Variants in VWDE observed in about 807,000 individuals in gnomAD.
VWDE encodes the protein von Willebrand factor D and EGF domain-containing protein.
In VWDE, 207 loss-of-function variants were observed where a neutral mutation model predicts 178.4. That is an observed-to-expected ratio of 1.16 (90% CI 1.04 to 1.30). VWDE has a LOEUF of 1.30. Ranked by LOEUF, VWDE falls within the 50% of genes most tolerant of loss-of-function variation. The pLI is 0.00. For missense variants in VWDE, 2,287 were observed against 1,901.3 expected, an observed-to-expected ratio of 1.20 and a Z score of -3.77; for synonymous variants, 738 against 651.4, an observed-to-expected ratio of 1.13 and a Z score of -2.02.
At chr7:12,390,307 G>A (rs774967851) in intron 2 of VWDE, among the ~76,000 whole-genome samples, 5 of 152,006 alleles carry the variant, frequency 3.3e-5, no homozygotes, top group Non-Finnish European at 7.4e-5. Flanking sequence ...GGAAGAACCA[G>A]GGCCCTTACT....
Position 12,347,926 on chromosome 7 carries a change from T to A in VWDE, c.3887-3457A>T, listed in dbSNP as rs192332079. Among the ~76,000 whole-genome samples the A allele has an allele frequency of 5.3e-4, 81 of 152,218 alleles. 1 individual carries two copies. The East Asian group carries it at 0.015, about 28-fold the overall frequency. On this transcript the variant is annotated intron_variant, in intron 19 of 28. Coordinates refer to ENST00000275358, the MANE Select transcript of VWDE (RefSeq NM_001135924.3). ...ACCCTCAGAAATAACGCCGCGTATC[T>A]ACAACTATCTGATCTTTGACAAACC...
chr7:12,372,107 G>T (rs7791259), intron 10 of VWDE, among the ~76,000 whole-genome samples: 36,375 of 151,844 alleles, frequency 0.24, 4,538 homozygotes, highest in African/African-American at 0.28. Flanking sequence ...CTGCTAACGA[G>T]GTTAAAGTTT....
chr7:12,333,231 C>T lies in VWDE; in HGVS notation c.4758+234G>A, dbSNP rs190026884. Among the ~76,000 whole-genome samples, 13 of 152,130 alleles carry T rather than the reference C, an allele frequency of 8.5e-5. No homozygotes were observed. The East Asian group carries it at 1.2e-3, about 14-fold the overall frequency. On this transcript the variant is annotated intron_variant, in intron 28 of 28. Transcript: ENST00000275358. ...TCAACTACAGTGTCATGAAATACTG[C>T]GTTACATTGGACAGTTGTATCTATA... is the stretch of plus-strand genomic sequence containing the variant.
In VWDE at chr7:12,344,361, T is replaced by A. The variant is rs1781491122; in HGVS notation, c.3982+13A>T. 1 of 1,550,592 alleles carries A rather than the reference T, an allele frequency of 6.4e-7. No homozygotes were observed. Among genetic ancestry groups the A allele is most frequent in the African/African-American group, 1.4e-5 (1 of 72,972 alleles). The stretch of plus-strand genomic sequence containing the variant: ...ACAATTTATCATGCAAACTAATGAA[T>A]GATGTTACCTACCAGTTTGGCAGTT... On this transcript the variant is annotated intron_variant, in intron 20 of 28. Transcript: ENST00000275358.
chr7:12,335,292 C>T (rs893211369), intron 27 of VWDE, among the ~76,000 whole-genome samples: 10 of 151,946 alleles, frequency 6.6e-5, no homozygotes, highest in Admixed American at 1.3e-4. Context: ...CAAGTTTCCA[C>T]AAAAAATTTC....
chr7:12,376,429 A>C (rs769601463), intron 7 of VWDE, among the ~76,000 whole-genome samples: 3 of 152,128 alleles, frequency 2.0e-5, no homozygotes, highest in Non-Finnish European at 4.4e-5. Flanking sequence ...ATTCTCAGAG[A>C]ATAAGAACAT....
Position 12,389,051 on chromosome 7 carries a change from A to G in VWDE, c.475+76T>C, listed in dbSNP as rs1784242780. The G allele has an allele frequency of 5.8e-6, 6 of 1,037,102 alleles. No homozygotes were observed. In the Admixed American group the frequency reaches 1.0e-4, roughly 17 times the overall value. 64.2% of individuals were successfully genotyped at this position (1,037,102 alleles called of 1,614,324 possible). A position where few individuals can be genotyped will look rare whatever the true frequency, so the allele number is the denominator to read the frequency against. On this transcript the variant is annotated intron_variant, in intron 3 of 28. Transcript: ENST00000275358. Reference sequence around the variant, plus strand: ...TTACTGAGATTTGCACTAACTCAATACAACCTATCCAGAGAATGGTACGAA... The same window carrying G: ...TTACTGAGATTTGCACTAACTCAATGCAACCTATCCAGAGAATGGTACGAA...
intron 3 of VWDE, among the ~76,000 whole-genome samples, chr7:12,387,993 G>A (rs780240170): frequency 6.6e-6 from 1 of 152,074 alleles, no homozygotes; most frequent in Non-Finnish European, 1.5e-5. Flanking sequence ...TACCTTAGGA[G>A]TGCACTCTCA....
At position 12,370,488 on chromosome 7, in the gene VWDE, C is replaced by G; in HGVS notation, c.1818G>C (p.Met606Ile). The G allele has an allele frequency of 6.5e-7, 1 of 1,538,520 alleles. No homozygotes were observed. Among genetic ancestry groups the G allele is most frequent in the South Asian group, 1.2e-5 (1 of 83,506 alleles). Residue 606 changes from methionine (M) to isoleucine (I), a missense_variant, in exon 12 of 29, where the codon ATG (methionine) becomes ATC (isoleucine). Physicochemically the swap from Met to Ile is conservative, Grantham distance 10. Transcript: ENST00000275358. ...NEWRILPGKSMSDTLPVSMTS... is the reference protein window; with the variant it reads ...NEWRILPGKSISDTLPVSMTS... The stretch of plus-strand genomic sequence containing the variant: ...TCATAGAAACTGGCAGTGTGTCAGA[C>G]ATGCTTTTTCCTGGTAAAATCCTTC...
intron 16 of VWDE, among the ~76,000 whole-genome samples, chr7:12,359,112 A>C (rs1351939794): frequency 6.6e-6 from 1 of 152,202 alleles, no homozygotes; most frequent in Non-Finnish European, 1.5e-5. Context: ...AAAGTGAGGA[A>C]GTTATATGGT....
At chr7:12,373,285 G>A in intron 9 of VWDE, 38 bp from the exon 10 acceptor site, 1 of 1,535,726 alleles carries the variant, frequency 6.5e-7, no homozygotes. Flanking sequence ...AAAAAATCGT[G>A]TAAAATATCA....
intron 23 of VWDE, among the ~76,000 whole-genome samples, chr7:12,341,199 G>C (rs1194026939): frequency 6.6e-6 from 1 of 152,126 alleles, no homozygotes; most frequent in Non-Finnish European, 1.5e-5. Flanking sequence ...CAAAAATCAA[G>C]TGGATCCTTG....
At position 12,361,238 on chromosome 7, in the gene VWDE, CCAT is replaced by C. The variant is rs1408456689; in HGVS notation, c.3065_3067del (p.Asp1022del). On this transcript the variant is annotated inframe_deletion, in exon 15 of 29. Transcript: ENST00000275358. ...TATTTTGGGATTACTGAATTTATAA[CCAT>C]CATTAGATACCTGTAACATAATAGT... is the stretch of plus-strand genomic sequence containing the variant. The C allele has an allele frequency of 1.3e-6, 2 of 1,546,442 alleles. No individual in the cohort carries two copies. Among genetic ancestry groups the C allele is most frequent in the African/African-American group, 2.7e-5 (2 of 72,838 alleles).
At chr7:12,336,879 T>G in intron 26 of VWDE, 109 bp downstream of exon 26, 1 of 1,086,600 alleles carries the variant, frequency 9.2e-7, no homozygotes, top group Non-Finnish European at 1.3e-6. Context: ...TATGCAAAAA[T>G]TTTAAAAAGA....
rs1052667011 is a variant in VWDE at position 12,383,541 on chromosome 7, C to A, written c.536G>T (p.Cys179Phe). The part of the protein sequence containing the change: ...GSDETETGGD[C>F]VRQLAASLPP... The stretch of plus-strand genomic sequence containing the variant: ...AAGCAAAATATGATACTTACGAACA[C>A]AATCACCTCCTGTTTCAGTTTCATC... Residue 179 changes from cysteine (C) to phenylalanine (F), a missense_variant, in exon 4 of 29, where the codon TGT becomes TTT. By Grantham distance (205) the Cys-to-Phe change is radical (BLOSUM62 -2). Coordinates refer to ENST00000275358, the MANE Select transcript of VWDE (RefSeq NM_001135924.3). The A allele has an allele frequency of 1.9e-6, 3 of 1,550,010 alleles. No homozygotes were observed. The highest frequency in any genetic ancestry group is 2.7e-5 in the African/African-American group (2 of 72,970).
At chr7:12,382,783 C>T (rs889736660) in intron 4 of VWDE, among the ~76,000 whole-genome samples, 5 of 151,616 alleles carry the variant, frequency 3.3e-5, no homozygotes, top group African/African-American at 1.2e-4. Flanking sequence ...CAATTTCTGC[C>T]CATCATGTAG....
chr7:12,356,263 C>G lies in VWDE; in HGVS notation c.3593G>C (p.Gly1198Ala), dbSNP rs1035710718. Reference sequence around the variant, plus strand: ...GCAGACACACAGGTACACTCCACTCCCTGGAGAAAAGTTCCTATCAGATAC... The same window carrying G: ...GCAGACACACAGGTACACTCCACTCGCTGGAGAAAAGTTCCTATCAGATAC... ...SCVSDRNFSP[G>A]SGVYLCVCLP... The change falls in exon 18 of 29, where the codon GGG becomes GCG. Residue 1198 changes from glycine (G) to alanine (A), a missense_variant. Gly to Ala is a moderately conservative substitution (Grantham distance 60). Coordinates refer to ENST00000275358, the MANE Select transcript of VWDE (RefSeq NM_001135924.3). 3.2e-6 allele frequency: 5 copies of G among 1,551,598 alleles called. No homozygotes were observed. In the East Asian group the frequency reaches 9.8e-5, roughly 30 times the overall value.
At chr7:12,349,922 A>G (rs1299289530) in intron 19 of VWDE, among the ~76,000 whole-genome samples, 1 of 152,094 alleles carries the variant, frequency 6.6e-6, no homozygotes, top group Admixed American at 6.6e-5. Flanking sequence ...AAATGTGACA[A>G]ATGATTTTCT....
At chr7:12,344,752 A>G (rs560760483) in intron 19 of VWDE, among the ~76,000 whole-genome samples, 1 of 152,216 alleles carries the variant, frequency 6.6e-6, no homozygotes, top group Non-Finnish European at 1.5e-5. Context: ...AGAGAAAACA[A>G]TGTTAATAAT....
Sources: gnomAD v4.1 joint callset for allele counts (sites outside exome capture counted in the v4.1 genomes callset) on GRCh38, gnomAD v4.1.1 for gene constraint, MANE v1.5 for transcripts, NCBI Gene and HGNC (gene_info 2026-07-23, HGNC 2026-07-21) for gene names.